The following ZCCHC17 variants were observed in gnomAD, a reference collection of about 807,000 sequenced individuals.
ZCCHC17 encodes the protein zinc finger CCHC-type containing 17, also known as zinc finger CCHC domain-containing protein 17.
A neutral mutation model predicts 30.6 loss-of-function variants in ZCCHC17; 18 were observed. The ratio of observed to expected loss-of-function variants is 0.59; its 90% CI spans 0.41 to 0.87. The LOEUF is 0.87. Ranked by LOEUF, ZCCHC17 falls within the 40% of genes least tolerant of loss-of-function variation. The pLI, the probability that ZCCHC17 is intolerant of heterozygous loss-of-function variation, is 0.00. For synonymous variants in ZCCHC17, 88 were observed against 92.4 expected (o/e 0.95, Z 0.27); for missense variants, 263 against 284.2 (o/e 0.93, Z 0.54).
At chr1:31,321,294 A>G (rs1449108133) in intron 3 of ZCCHC17, among the ~76,000 whole-genome samples, 2 of 152,010 alleles carry the variant, frequency 1.3e-5, no homozygotes, top group African/African-American at 4.8e-5. Context: ...TTCGCTGGGC[A>G]CTTATTCTCC....
chr1:31,321,029 T>C (rs1490281311), intron 3 of ZCCHC17, among the ~76,000 whole-genome samples: 1 of 152,198 alleles, frequency 6.6e-6, no homozygotes, highest in Non-Finnish European at 1.5e-5. Context: ...TAGCTAATGA[T>C]GTTAAGTCTC....
intron 5 of ZCCHC17, among the ~76,000 whole-genome samples, chr1:31,345,547 TATATATATATATATAATATA>T (rs774820336): frequency 1.3e-5 from 1 of 79,928 alleles, no homozygotes; most frequent in East Asian, 3.1e-4. Context: ...GACAGACATT[TATATATATATATATAATATA>T]ATATATATAT....
At chr1:31,307,412 C>CTTT (rs1183496022) in intron 1 of ZCCHC17, among the ~76,000 whole-genome samples, 2 of 141,690 alleles carry the variant, frequency 1.4e-5, no homozygotes, top group African/African-American at 5.2e-5. Context: ...CTGCTTTAGA[C>CTTT]TTTTTTTTTT....
In ZCCHC17 at chr1:31,309,730, C is replaced by T. The variant is rs562016518; in HGVS notation, c.-55-314C>T. Among the ~76,000 whole-genome samples the T allele has an allele frequency of 5.9e-5, 9 of 152,220 alleles. No homozygotes were observed. The East Asian group carries it at 1.2e-3, about 20-fold the overall frequency. On this transcript the variant is annotated intron_variant, in intron 1 of 7. Transcript: ENST00000344147. ...TCCATTTTTTTGAGATCCGGTCAAA[C>T]ATACTTAACATCTTTTCCCACCCTC...
At chr1:31,351,537 T>C (rs1639470360) in intron 7 of ZCCHC17, among the ~76,000 whole-genome samples, 1 of 152,014 alleles carries the variant, frequency 6.6e-6, no homozygotes, top group African/African-American at 2.4e-5. Flanking sequence ...GTCCAGGAGT[T>C]TGAGACCAAC....
chr1:31,302,948 C>T (rs1646354863), intron 1 of ZCCHC17, among the ~76,000 whole-genome samples: 2 of 152,152 alleles, frequency 1.3e-5, no homozygotes, highest in African/African-American at 4.8e-5. Flanking sequence ...AAACCATATT[C>T]GATTGTGAAT....
chr1:31,363,967 A>G, intron 7 of ZCCHC17, 65 bp from the exon 8 acceptor site: 3 of 1,573,894 alleles, frequency 1.9e-6, no homozygotes, highest in South Asian at 2.4e-5. Flanking sequence ...CTGGCCAATT[A>G]TGTGCTATGA....
chr1:31,321,030 G>A (rs1376878418), intron 3 of ZCCHC17, among the ~76,000 whole-genome samples: 1 of 152,132 alleles, frequency 6.6e-6, no homozygotes, highest in Non-Finnish European at 1.5e-5. Context: ...AGCTAATGAT[G>A]TTAAGTCTCT....
Position 31,318,280 on chromosome 1 carries a change from G to A in ZCCHC17, c.67-829G>A, listed in dbSNP as rs1302752977. On this transcript the variant is annotated intron_variant, in intron 2 of 7. Transcript: ENST00000344147. ...AATATTTTACAAATAATCATTTAGTGTTAAATTCAGCATATAGTGACAACA... is the reference window on the plus strand; with the variant it reads ...AATATTTTACAAATAATCATTTAGTATTAAATTCAGCATATAGTGACAACA... The A allele has an allele frequency of 2.0e-6, 3 of 1,470,712 alleles. No individual in the cohort carries two copies. The African/African-American group carries it at 4.2e-5, about 21-fold the overall frequency. 91.1% of individuals were successfully genotyped at this position (1,470,712 alleles called of 1,614,324 possible). A position where few individuals can be genotyped will look rare whatever the true frequency, so the allele number is the denominator to read the frequency against.
At chr1:31,307,589 T>A (rs1276148136) in intron 1 of ZCCHC17, among the ~76,000 whole-genome samples, 2 of 151,514 alleles carry the variant, frequency 1.3e-5, no homozygotes, top group African/African-American at 2.4e-5. Context: ...GTTTTTTTTT[T>A]TTTGGAGACG....
chr1:31,342,672 C>T (rs898860982), intron 5 of ZCCHC17, among the ~76,000 whole-genome samples: 1 of 152,242 alleles, frequency 6.6e-6, no homozygotes, highest in African/African-American at 2.4e-5. Flanking sequence ...AATGCTCCTT[C>T]ACCTGCTGCT....
intron 3 of ZCCHC17, among the ~76,000 whole-genome samples, chr1:31,336,484 T>C (rs1638822608): frequency 6.6e-6 from 1 of 152,210 alleles, no homozygotes; most frequent in Admixed American, 6.5e-5. Flanking sequence ...TATGGAGCAT[T>C]ACATTTTTTA....
At chr1:31,304,124 A>G (rs1646386382) in intron 1 of ZCCHC17, among the ~76,000 whole-genome samples, 1 of 152,212 alleles carries the variant, frequency 6.6e-6, no homozygotes, top group South Asian at 2.1e-4. Flanking sequence ...TGTTTAAAAC[A>G]TGCAAGCAAA....
chr1:31,347,349 A>G (rs1000660320), intron 6 of ZCCHC17, among the ~76,000 whole-genome samples: 4 of 152,136 alleles, frequency 2.6e-5, no homozygotes, highest in South Asian at 2.1e-4. Flanking sequence ...GTTGACCTCA[A>G]TTGTCACCCC....
intron 3 of ZCCHC17, among the ~76,000 whole-genome samples, chr1:31,334,451 G>A (rs1340350618): frequency 6.6e-6 from 1 of 151,408 alleles, no homozygotes; most frequent in African/African-American, 2.4e-5. Context: ...TTCAGGGAGG[G>A]CAGTTATTTT....
chr1:31,330,992 ATAAACCAGG>A (rs1287511905), intron 3 of ZCCHC17, among the ~76,000 whole-genome samples: 12 of 152,352 alleles, frequency 7.9e-5, no homozygotes, highest in African/African-American at 2.9e-4. Flanking sequence ...ATAGATAGAA[ATAAACCAGG>A]TAATTGCCTA....
intron 7 of ZCCHC17, among the ~76,000 whole-genome samples, chr1:31,360,456 A>G (rs566557798): frequency 1.1e-4 from 16 of 152,376 alleles, no homozygotes; most frequent in African/African-American, 3.6e-4. Flanking sequence ...GGCGTGAGCC[A>G]CCGCAACCAG....
chr1:31,297,049 G>A lies in ZCCHC17; in HGVS notation c.-82G>A, dbSNP rs1483758685. On this transcript the variant is annotated 5_prime_UTR_variant, in exon 1 of 8. Coordinates refer to ENST00000344147, the MANE Select transcript of ZCCHC17 (RefSeq NM_016505.4). ...GGGTCGGCGTTTAGTTCAGCGCAGC[G>A]ACTCGGGGACCTGGAGCTGACGCCT... is the stretch of plus-strand genomic sequence containing the variant. 7 of 446,478 alleles carry A rather than the reference G, an allele frequency of 1.6e-5. No homozygotes were observed. The highest frequency in any genetic ancestry group is 6.9e-5 in the East Asian group (2 of 29,152). The allele number at this position is 446,478 out of a possible 1,614,324, so 27.7% of individuals were successfully genotyped here.
intron 1 of ZCCHC17, among the ~76,000 whole-genome samples, chr1:31,298,387 GTT>G (rs35380795): frequency 1.0e-4 from 14 of 139,204 alleles, no homozygotes; most frequent in African/African-American, 8.2e-5. Flanking sequence ...GTTTTTTTTT[GTT>G]TTTTTTTTTT....
Sources: allele counts gnomAD v4.1 joint callset (sites outside exome capture counted in the v4.1 genomes callset), GRCh38; gene constraint gnomAD v4.1.1; transcripts MANE v1.5; gene names NCBI Gene and HGNC (gene_info 2026-07-23, HGNC 2026-07-21).